The following FGF13 variants were observed in gnomAD, a reference collection of about 807,000 sequenced individuals.
FGF13 encodes fibroblast growth factor homologous factor 2.
In FGF13, 2 loss-of-function variants were observed where a neutral mutation model predicts 19.5. The observed-to-expected ratio is 0.10, with a 90% CI of 0.04 to 0.32. The LOEUF is 0.32. Among genes scored for constraint, FGF13 ranks in the 10% least tolerant of loss-of-function variants. The pLI is 1.00. For missense variants in FGF13, 113 were observed against 192.7 expected, an observed-to-expected ratio of 0.59 and a Z score of 2.45; for synonymous variants, 72 against 76.9, an observed-to-expected ratio of 0.94 and a Z score of 0.33.
intron 3 of FGF13, among the ~76,000 whole-genome samples, chrX:138,636,624 G>C (rs2089188026): frequency 8.9e-6 from 1 of 111,817 alleles, no homozygotes; most frequent in Non-Finnish European, 1.9e-5. Context: ...AGTAGCAAAG[G>C]GCCTACTTGG....
At chrX:139,179,685 G>A (rs767575062) in intron 1 of FGF13, among the ~76,000 whole-genome samples, 8 of 112,821 alleles carry the variant, frequency 7.1e-5, no homozygotes, top group Non-Finnish European at 1.3e-4. Context: ...CCTCATATGA[G>A]AGAAGCACTT....
intron 1 of FGF13, among the ~76,000 whole-genome samples, chrX:138,978,461 A>G (rs1354954380): frequency 9.1e-6 from 1 of 109,844 alleles, no homozygotes; most frequent in East Asian, 2.9e-4. Context: ...ACGGGGTTTC[A>G]CCGTGTTAGC....
chrX:138,966,165 G>A (rs759318459), intron 1 of FGF13, among the ~76,000 whole-genome samples: 2 of 111,667 alleles, frequency 1.8e-5, no homozygotes, highest in African/African-American at 6.5e-5. Context: ...ATGTGGGGTC[G>A]GAGCCTCCCC....
chrX:138,878,803 C>A (rs2091406587), intron 1 of FGF13, among the ~76,000 whole-genome samples: 1 of 111,656 alleles, frequency 9.0e-6, no homozygotes, highest in African/African-American at 3.3e-5. Flanking sequence ...CACGTCCTCT[C>A]CAGCACCTGT....
At chrX:138,794,697 A>G (rs982874200) in intron 3 of FGF13, among the ~76,000 whole-genome samples, 5 of 111,644 alleles carry the variant, frequency 4.5e-5, no homozygotes, top group African/African-American at 1.6e-4. Context: ...ATCGTCCCAA[A>G]GGTAATAATT....
intron 1 of FGF13, among the ~76,000 whole-genome samples, chrX:139,073,445 A>G (rs2124435471): frequency 9.0e-6 from 1 of 111,698 alleles, no homozygotes; most frequent in East Asian, 2.8e-4. Flanking sequence ...GGTGTACAGA[A>G]GATTTTAATA....
At chrX:138,746,226 G>C (rs943745638) in intron 3 of FGF13, among the ~76,000 whole-genome samples, 7 of 110,489 alleles carry the variant, frequency 6.3e-5, no homozygotes, top group African/African-American at 2.3e-4. Context: ...CACCAGAAAG[G>C]AATCAAATGA....
Position 138,710,913 on chromosome X carries a change from G to A in FGF13, c.91C>T (p.Pro31Ser). ...TCGCAGCTGGTCTTGCCTTTGCTGG[G>A]GCTGCTGACACACTTGCAGGCGTTG... Reference protein sequence around the residue: ...KSNACKCVSSPSKGKTSCDKN... With the variant: ...KSNACKCVSSSSKGKTSCDKN... The change falls in exon 1 of 5, where the codon CCC becomes TCC. Residue 31 changes from proline (P) to serine (S), a missense_variant. Coordinates refer to ENST00000315930, the MANE Select transcript of FGF13 (RefSeq NM_004114.5). 1 of 1,212,190 alleles carries A rather than the reference G, an allele frequency of 8.2e-7. No homozygotes were observed. The highest frequency in any genetic ancestry group is 1.1e-6 in the Non-Finnish European group (1 of 895,625).
At chrX:138,643,686 C>T (rs1276351933) in intron 3 of FGF13, among the ~76,000 whole-genome samples, 1 of 111,985 alleles carries the variant, frequency 8.9e-6, no homozygotes, top group African/African-American at 3.2e-5. Flanking sequence ...TAGGGCATCT[C>T]ACTGTTTAAC....
rs773011671 is a variant in FGF13, at chrX:138,986,812, G to T, written c.-112-122162C>A. On this transcript the variant is annotated intron_variant, in intron 1 of 2. Coordinates refer to the FGF13 transcript ENST00000421460. ...TTTTAAAAATAGAAATGTGTTATTA[G>T]ATTATCTTGTCACATGATATTATAA... Among the ~76,000 whole-genome samples, 5 of 111,826 alleles carry T rather than the reference G, an allele frequency of 4.5e-5. No individual in the cohort carries two copies. The South Asian group carries it at 1.9e-3, about 42-fold the overall frequency.
At chrX:138,794,164 TC>T (rs1470861188) in intron 3 of FGF13, among the ~76,000 whole-genome samples, 1 of 112,008 alleles carries the variant, frequency 8.9e-6, no homozygotes, top group East Asian at 2.8e-4. Context: ...GGTGATGGCT[TC>T]TCACCTTATC....
At chrX:138,750,461 T>C (rs1236408111) in intron 3 of FGF13, among the ~76,000 whole-genome samples, 1 of 111,033 alleles carries the variant, frequency 9.0e-6, no homozygotes, top group Admixed American at 9.6e-5. Flanking sequence ...ATGTGCTTGT[T>C]TGTTACATGG....
intron 3 of FGF13, among the ~76,000 whole-genome samples, chrX:138,753,019 T>C (rs1421534245): frequency 3.6e-5 from 4 of 111,890 alleles, no homozygotes; most frequent in African/African-American, 1.3e-4. Context: ...TATTACAGAA[T>C]AGTTTCAATT....
intron 1 of FGF13, among the ~76,000 whole-genome samples, chrX:138,996,516 A>T (rs2092043799): frequency 8.9e-6 from 1 of 112,377 alleles, no homozygotes; most frequent in Non-Finnish European, 1.9e-5. Context: ...GGCGTCCACC[A>T]TTGCTTAGGC....
chrX:138,954,328 TA>T, intron 1 of FGF13, among the ~76,000 whole-genome samples: 1 of 111,985 alleles, frequency 8.9e-6, no homozygotes, highest in Admixed American at 9.5e-5. Flanking sequence ...GATAATTTTT[TA>T]AGCATAATGA....
At chrX:138,946,034 C>A (rs1432143789) in intron 1 of FGF13, among the ~76,000 whole-genome samples, 4 of 111,312 alleles carry the variant, frequency 3.6e-5, no homozygotes. Flanking sequence ...TGGTCTGAAG[C>A]CAGACTGGAT....
At chrX:138,756,278 T>C (rs1033194473) in intron 3 of FGF13, among the ~76,000 whole-genome samples, 3 of 112,627 alleles carry the variant, frequency 2.7e-5, no homozygotes, top group Middle Eastern at 4.6e-3. Flanking sequence ...CAGCTGGCAG[T>C]CAAGGATTCC....
chrX:138,913,713 A>G, intron 1 of FGF13, among the ~76,000 whole-genome samples: 1 of 105,176 alleles, frequency 9.5e-6, no homozygotes, highest in African/African-American at 3.6e-5. Context: ...AGGAAAGAAA[A>G]CTATCAGGGC....
At chrX:139,184,998 T>G (rs1318835953) in intron 1 of FGF13, among the ~76,000 whole-genome samples, 1 of 111,673 alleles carries the variant, frequency 9.0e-6, no homozygotes, top group Admixed American at 9.5e-5. Flanking sequence ...ACGATTTAGT[T>G]CTAGTTCACA....
Sources: allele counts gnomAD v4.1 joint callset (sites outside exome capture counted in the v4.1 genomes callset), GRCh38; gene constraint gnomAD v4.1.1; transcripts MANE v1.5; gene names NCBI Gene and HGNC (gene_info 2026-07-23, HGNC 2026-07-21).